Variants in RTN1 observed in about 807,000 individuals in gnomAD.
The protein encoded by RTN1 is reticulon 1.
RTN1 carries 25 observed loss-of-function variants against 65.5 expected under a neutral mutation model. That is an observed-to-expected ratio of 0.38 (90% CI 0.28 to 0.53). RTN1 has a LOEUF of 0.53. RTN1 is among the 20% of genes least tolerant of loss of function. RTN1 has a pLI of 0.79. For missense variants in RTN1, 983 were observed against 1,025.4 expected (o/e 0.96, Z 0.57); for synonymous variants, 471 against 447.6 (o/e 1.05, Z -0.66).
chr14:59,697,645 A>T (rs1247875517), intron 3 of RTN1, among the ~76,000 whole-genome samples: 3 of 152,216 alleles, frequency 2.0e-5, no homozygotes, highest in African/African-American at 7.2e-5. Flanking sequence ...TGCAAGGCCT[A>T]GTACTTCCAC....
At chr14:59,844,883 G>T (rs1887378216) in intron 1 of RTN1, among the ~76,000 whole-genome samples, 1 of 152,040 alleles carries the variant, frequency 6.6e-6, no homozygotes, top group South Asian at 2.1e-4. Context: ...CTAGCTCTTG[G>T]CAAACTTTAT....
intron 1 of RTN1, among the ~76,000 whole-genome samples, chr14:59,749,654 TAG>T (rs1406086483): frequency 5.7e-5 from 2 of 34,820 alleles, no homozygotes; most frequent in African/African-American, 2.3e-4. Flanking sequence ...TATATTTATA[TAG>T]ATATCTATAT....
chr14:59,798,889 TA>T (rs1319865713), intron 1 of RTN1, among the ~76,000 whole-genome samples: 1 of 152,186 alleles, frequency 6.6e-6, no homozygotes, highest in Non-Finnish European at 1.5e-5. Flanking sequence ...TTTCAAGTAT[TA>T]GTGACTTAAA....
intron 1 of RTN1, among the ~76,000 whole-genome samples, chr14:59,797,582 C>A (rs866867144): frequency 6.6e-6 from 1 of 152,154 alleles, no homozygotes; most frequent in Non-Finnish European, 1.5e-5. Context: ...GAGGTAGCTA[C>A]CTACATGGCA....
intron 3 of RTN1, among the ~76,000 whole-genome samples, chr14:59,698,771 T>TA (rs1329197310): frequency 6.6e-6 from 1 of 152,204 alleles, no homozygotes; most frequent in Non-Finnish European, 1.5e-5. Context: ...AATGGACTAA[T>TA]ACCTAAGGCA....
At position 59,727,081 on chromosome 14, in the gene RTN1, C is replaced by G. The variant is rs780738582; in HGVS notation, c.1603G>C (p.Glu535Gln). The change falls in exon 3 of 9, where the codon GAG (glutamate) becomes CAG (glutamine). Residue 535 changes from glutamate to glutamine, a missense_variant. Around this residue, in one of 2 missense-constraint regions of RTN1, gnomAD observed 818 missense variants for 801.8 expected, o/e 1.02. Transcript: ENST00000267484. This position sits in a 1 kb window ranked among gnomAD's most constrained non-coding sequence, Gnocchi z 4.2. ...AGGGCTCCGTCTCCAGGGGGCAGCT[C>G]GGGGCCAGGCTGGGGCTCAGTTGAG... ...YPSTEPQPGPELPPGDGALEP... is the reference protein window; with the variant it reads ...YPSTEPQPGPQLPPGDGALEP... 6.2e-7 allele frequency: 1 copy of G among 1,611,826 alleles called. No homozygotes were observed. Among genetic ancestry groups the G allele is most frequent in the Non-Finnish European group, 8.5e-7 (1 of 1,179,008 alleles).
chr14:59,687,369 G>T (rs1883868534), intron 3 of RTN1, among the ~76,000 whole-genome samples: 1 of 151,662 alleles, frequency 6.6e-6, no homozygotes, highest in Non-Finnish European at 1.5e-5. Flanking sequence ...GCACCCCCTT[G>T]CCTGGATCAG....
intron 3 of RTN1, among the ~76,000 whole-genome samples, chr14:59,634,615 A>G (rs1319078979): frequency 1.3e-5 from 2 of 152,202 alleles, no homozygotes; most frequent in Admixed American, 6.5e-5. Flanking sequence ...TAGAGCCCAT[A>G]CTAAGGACCT....
intron 3 of RTN1, among the ~76,000 whole-genome samples, chr14:59,697,303 T>C (rs1250552162): frequency 6.6e-6 from 1 of 152,180 alleles, no homozygotes; most frequent in Non-Finnish European, 1.5e-5. Context: ...TTTTATACCA[T>C]GGTTATTTCT....
chr14:59,610,249 T>C, intron 3 of RTN1: 1 of 687,652 alleles, frequency 1.5e-6, no homozygotes, highest in Non-Finnish European at 2.7e-6. Flanking sequence ...GCAGAAAGCA[T>C]TAGCTAAGTA....
intron 3 of RTN1, among the ~76,000 whole-genome samples, chr14:59,670,714 A>T (rs1883484334): frequency 6.6e-6 from 1 of 152,194 alleles, no homozygotes; most frequent in South Asian, 2.1e-4. Flanking sequence ...CGAAGATGAA[A>T]AATATGCTGG....
At chr14:59,637,318 A>G (rs542364166) in intron 3 of RTN1, among the ~76,000 whole-genome samples, 3 of 152,298 alleles carry the variant, frequency 2.0e-5, no homozygotes, top group African/African-American at 7.2e-5. Context: ...CAATTCAGTC[A>G]TATCTTTGGG....
intron 3 of RTN1, among the ~76,000 whole-genome samples, chr14:59,714,438 G>A (rs1884491199): frequency 6.6e-6 from 1 of 152,094 alleles, no homozygotes; most frequent in South Asian, 2.1e-4. Context: ...TAATTTAATA[G>A]ATGAGTGTGA....
chr14:59,761,654 C>T (rs1052167175), intron 1 of RTN1, among the ~76,000 whole-genome samples: 1 of 152,176 alleles, frequency 6.6e-6, no homozygotes, highest in African/African-American at 2.4e-5. Context: ...TCCACAAGAT[C>T]AAGCTAAAGC....
chr14:59,844,738 G>A (rs1887375690), intron 1 of RTN1, among the ~76,000 whole-genome samples: 1 of 152,128 alleles, frequency 6.6e-6, no homozygotes, highest in South Asian at 2.1e-4. Flanking sequence ...TATGTTATGT[G>A]CATTTTGCCA....
intron 1 of RTN1, among the ~76,000 whole-genome samples, chr14:59,787,537 C>G (rs780435056): frequency 6.6e-6 from 1 of 152,198 alleles, no homozygotes; most frequent in Non-Finnish European, 1.5e-5. Context: ...GAAGTGCAGG[C>G]CTGATCTCTG....
intron 3 of RTN1, among the ~76,000 whole-genome samples, chr14:59,712,305 G>A (rs1884440338): frequency 6.6e-6 from 1 of 152,006 alleles, no homozygotes; most frequent in Admixed American, 6.5e-5. Context: ...TAAATCAGCT[G>A]GGGCATACTA....
At chr14:59,797,112 C>A (rs1886454406) in intron 1 of RTN1, among the ~76,000 whole-genome samples, 1 of 152,110 alleles carries the variant, frequency 6.6e-6, no homozygotes, top group Admixed American at 6.6e-5. Context: ...TCTTTGCTTC[C>A]ATGGATGATT....
intron 3 of RTN1, among the ~76,000 whole-genome samples, chr14:59,657,748 G>C (rs1288686231): frequency 6.6e-6 from 1 of 152,168 alleles, no homozygotes; most frequent in Non-Finnish European, 1.5e-5. Context: ...TTTGCAACCC[G>C]CAGACCAGGA....
Sources: gnomAD v4.1 joint callset for allele counts (sites outside exome capture counted in the v4.1 genomes callset) on GRCh38, gnomAD v4.1.1 for gene constraint, gnomAD v4.1.1 regional missense constraint, Gnocchi (gnomAD v3.1) non-coding constraint, MANE v1.5 for transcripts, NCBI Gene and HGNC (gene_info 2026-07-23, HGNC 2026-07-21) for gene names.